The following NEGR1 variants were observed in gnomAD, a reference collection of about 807,000 sequenced individuals.
NEGR1 encodes IgLON family member 4.
Under a neutral mutation model 40.9 loss-of-function variants are expected in NEGR1, and 10 were observed. The ratio of observed to expected loss-of-function variants is 0.24; its 90% CI spans 0.15 to 0.42. NEGR1 has a LOEUF of 0.42. NEGR1 is among the 10% of genes least tolerant of loss of function. NEGR1 has a pLI of 1.00. For synonymous variants in NEGR1, 185 were observed against 166.8 expected (o/e 1.11, Z -0.84); for missense variants, 352 against 438.9 (o/e 0.80, Z 1.77).
At chr1:72,012,816 T>TACAC (rs147632951) in intron 1 of NEGR1, among the ~76,000 whole-genome samples, 17 of 145,504 alleles carry the variant, frequency 1.2e-4, no homozygotes, top group South Asian at 2.2e-4. Context: ...TATATATATA[T>TACAC]ACACACACAC....
At chr1:71,932,343 C>T (rs1177042355) in intron 2 of NEGR1, among the ~76,000 whole-genome samples, 2 of 150,680 alleles carry the variant, frequency 1.3e-5, no homozygotes, top group African/African-American at 2.4e-5. Flanking sequence ...CTGGTGTGGA[C>T]CTTAAAGACC....
At chr1:71,703,640 T>C (rs1412055621) in intron 3 of NEGR1, among the ~76,000 whole-genome samples, 1 of 151,698 alleles carries the variant, frequency 6.6e-6, no homozygotes, top group Non-Finnish European at 1.5e-5. Flanking sequence ...ACACAAAATA[T>C]ATGAAATTAA....
intron 1 of NEGR1, among the ~76,000 whole-genome samples, chr1:71,940,728 C>T (rs1481275154): frequency 6.6e-6 from 1 of 152,082 alleles, no homozygotes; most frequent in Non-Finnish European, 1.5e-5. Flanking sequence ...CAGAATATGC[C>T]TGTGATACTA....
chr1:71,766,172 C>CA (rs35894619), intron 3 of NEGR1, among the ~76,000 whole-genome samples: 2,215 of 109,850 alleles, frequency 0.02, 26 homozygotes, highest in African/African-American at 0.03. Flanking sequence ...GACTCCGTCT[C>CA]AAAAAAAAAA....
At chr1:71,503,527 C>T (rs1006599570) in intron 6 of NEGR1, among the ~76,000 whole-genome samples, 2 of 152,102 alleles carry the variant, frequency 1.3e-5, no homozygotes, top group Non-Finnish European at 1.5e-5. Context: ...TTTAAATTCT[C>T]GTCCAAATTT....
At chr1:72,059,017 C>T (rs996117684) in intron 1 of NEGR1, among the ~76,000 whole-genome samples, 2 of 151,552 alleles carry the variant, frequency 1.3e-5, no homozygotes, top group South Asian at 4.1e-4. Flanking sequence ...ATGGAAAATG[C>T]GCATTGGAAA....
At chr1:71,850,125 TCTA>T (rs917298737) in intron 2 of NEGR1, among the ~76,000 whole-genome samples, 1 of 145,136 alleles carries the variant, frequency 6.9e-6, no homozygotes, top group Non-Finnish European at 1.5e-5. Flanking sequence ...ACATTTATAA[TCTA>T]CTGTCTTTTT....
At chr1:71,998,009 T>A (rs571290903) in intron 1 of NEGR1, among the ~76,000 whole-genome samples, 7 of 152,102 alleles carry the variant, frequency 4.6e-5, no homozygotes, top group Admixed American at 3.3e-4. Context: ...TTGTAAAAAT[T>A]AACAATTTTG....
At chr1:71,680,060 A>C (rs2101609061) in intron 4 of NEGR1, among the ~76,000 whole-genome samples, 1 of 152,106 alleles carries the variant, frequency 6.6e-6, no homozygotes, top group African/African-American at 2.4e-5. Context: ...TTTTTTAATG[A>C]ATTTGGTCTA....
chr1:71,427,115 T>G (rs975826408), intron 6 of NEGR1, among the ~76,000 whole-genome samples: 1 of 152,202 alleles, frequency 6.6e-6, no homozygotes, highest in Non-Finnish European at 1.5e-5. Context: ...GTATGCATGC[T>G]CACGTTGGAG....
At position 71,532,028 on chromosome 1, in the gene NEGR1, T is replaced by C. The variant is rs563235652; in HGVS notation, c.940+60789A>G. Among the ~76,000 whole-genome samples, 5 of 151,576 alleles carry C rather than the reference T, an allele frequency of 3.3e-5. No individual in the cohort carries two copies. The South Asian group carries it at 1.0e-3, about 31-fold the overall frequency. On this transcript the variant is annotated intron_variant, in intron 6 of 6. Coordinates refer to ENST00000357731, the MANE Select transcript of NEGR1 (RefSeq NM_173808.3). ...GAGAAAAAACTATTTAACTAACTTA[T>C]ACCTCTTTATGTGTAGGCAGCACCA...
chr1:71,597,456 C>CTG lies in NEGR1; in HGVS notation c.789-4489_789-4488insCA, dbSNP rs1451348586. On this transcript the variant is annotated intron_variant, in intron 5 of 6. Transcript: ENST00000357731. Reference sequence around the variant, plus strand: ...TGTCTCTCTCTCTCTCTCTCTCTCTCTCTCTCTCTCTCTCTCTGTGTGTGT... The same window carrying CTG: ...TGTCTCTCTCTCTCTCTCTCTCTCTCTGTCTCTCTCTCTCTCTCTGTGTGTGT... 1.3e-3 allele frequency among the ~76,000 whole-genome samples: 85 copies of CTG among 63,230 alleles called. 1 individual carries two copies. Among genetic ancestry groups the CTG allele is most frequent in the African/African-American group, 4.6e-3 (82 of 18,006 alleles). The allele number at this position is 63,230 out of a possible 152,430, so 41.5% of individuals were successfully genotyped here.
chr1:71,702,104 T>C (rs1043885932), intron 3 of NEGR1, among the ~76,000 whole-genome samples: 3 of 152,058 alleles, frequency 2.0e-5, no homozygotes, highest in Non-Finnish European at 4.4e-5. Context: ...ATTTTTTTGG[T>C]TACATATTTG....
At chr1:71,695,067 C>T (rs1426415572) in intron 4 of NEGR1, among the ~76,000 whole-genome samples, 2 of 151,692 alleles carry the variant, frequency 1.3e-5, no homozygotes, top group Non-Finnish European at 3.0e-5. Flanking sequence ...AAAATCAGCT[C>T]AGCAAAATCT....
chr1:71,435,568 A>C (rs754991458), intron 6 of NEGR1, among the ~76,000 whole-genome samples: 1 of 152,178 alleles, frequency 6.6e-6, no homozygotes, highest in Non-Finnish European at 1.5e-5. Context: ...ATTAGTAAGA[A>C]AGAGAATTGA....
intron 6 of NEGR1, among the ~76,000 whole-genome samples, chr1:71,553,102 A>G (rs527957731): frequency 2.0e-5 from 3 of 151,566 alleles, no homozygotes; most frequent in Non-Finnish European, 4.4e-5. Flanking sequence ...TCCTTCTATT[A>G]TTAAAAATTC....
At chr1:72,256,218 A>G (rs573891187) in intron 1 of NEGR1, among the ~76,000 whole-genome samples, 7 of 152,332 alleles carry the variant, frequency 4.6e-5, no homozygotes, top group South Asian at 4.1e-4. Context: ...CACCTTTTCA[A>G]CTGAAGAGAG....
At position 71,913,902 on chromosome 1, in the gene NEGR1, G is replaced by A. The variant is rs958809381; in HGVS notation, c.409+21177C>T. Among the ~76,000 whole-genome samples the A allele has an allele frequency of 4.6e-5, 7 of 150,586 alleles. No individual in the cohort carries two copies. The South Asian group carries it at 1.5e-3, about 32-fold the overall frequency. ...TAACTAAGTACACTCCTTAGTGTAT[G>A]CAAGACAAACAATATTTTTCCCAGT... On this transcript the variant is annotated intron_variant, in intron 2 of 6. Transcript: ENST00000357731.
intron 1 of NEGR1, among the ~76,000 whole-genome samples, chr1:72,087,355 CG>C (rs1307401327): frequency 3.9e-5 from 6 of 151,948 alleles, no homozygotes; most frequent in Non-Finnish European, 8.8e-5. Flanking sequence ...CGCTTGAACC[CG>C]GGAGGCGGAG....
Sources: gnomAD v4.1 joint callset for allele counts (sites outside exome capture counted in the v4.1 genomes callset) on GRCh38, gnomAD v4.1.1 for gene constraint, MANE v1.5 for transcripts, NCBI Gene and HGNC (gene_info 2026-07-23, HGNC 2026-07-21) for gene names.